The following STPG2 variants were observed in gnomAD, a reference collection of about 807,000 sequenced individuals.
The protein encoded by STPG2 is sperm-tail PG-rich repeat-containing protein 2.
In STPG2, 56 loss-of-function variants were observed where a neutral mutation model predicts 54.2. That is an observed-to-expected ratio of 1.03 (90% CI 0.83 to 1.29). The LOEUF (loss-of-function observed/expected upper bound fraction) is 1.29, where lower values mean the gene tolerates loss of function less well. Ranked by LOEUF, STPG2 falls within the 50% of genes most tolerant of loss-of-function variation. The pLI is 0.00. For missense variants in STPG2, 596 were observed against 544.9 expected, an observed-to-expected ratio of 1.09 and a Z score of -0.93; for synonymous variants, 200 against 181.8, an observed-to-expected ratio of 1.10 and a Z score of -0.81.
At chr4:97,704,131 T>A (rs1723872287) in intron 10 of STPG2, among the ~76,000 whole-genome samples, 2 of 152,022 alleles carry the variant, frequency 1.3e-5, no homozygotes, top group Non-Finnish European at 2.9e-5. Flanking sequence ...AATGTTAATC[T>A]CCTTTGGCAA....
intron 5 of STPG2, among the ~76,000 whole-genome samples, chr4:98,076,601 T>C (rs1322234552): frequency 6.6e-6 from 1 of 152,210 alleles, no homozygotes; most frequent in Non-Finnish European, 1.5e-5. Context: ...TTTCAAAGTT[T>C]ATGTCCTTCC....
At chr4:97,862,383 CAAG>C (rs1286792464) in intron 8 of STPG2, among the ~76,000 whole-genome samples, 1 of 152,076 alleles carries the variant, frequency 6.6e-6, no homozygotes, top group Non-Finnish European at 1.5e-5. Flanking sequence ...ATCAATTCAA[CAAG>C]AAGAACTAAC....
intron 5 of STPG2, among the ~76,000 whole-genome samples, chr4:98,045,624 G>A (rs1158803324): frequency 6.6e-6 from 1 of 151,916 alleles, no homozygotes; most frequent in African/African-American, 2.4e-5. Flanking sequence ...ATAGTATTTG[G>A]GGGTGACCAT....
chr4:98,023,787 T>C (rs1326352341), intron 5 of STPG2, among the ~76,000 whole-genome samples: 2 of 152,176 alleles, frequency 1.3e-5, no homozygotes, highest in African/African-American at 4.8e-5. Flanking sequence ...CTCAGACTGC[T>C]GTGCTAGCAA....
intron 5 of STPG2, among the ~76,000 whole-genome samples, chr4:98,069,863 T>C (rs1252994536): frequency 6.6e-6 from 1 of 152,040 alleles, no homozygotes; most frequent in South Asian, 2.1e-4. Context: ...GTAGAAGTGC[T>C]ACATTCCAGG....
intron 5 of STPG2, among the ~76,000 whole-genome samples, chr4:97,988,768 G>A (rs1734904713): frequency 6.6e-6 from 1 of 152,074 alleles, no homozygotes; most frequent in African/African-American, 2.4e-5. Flanking sequence ...ACCAGGCCCG[G>A]CTAACTTTTG....
chr4:97,772,420 G>A (rs1726248521), intron 9 of STPG2, among the ~76,000 whole-genome samples: 1 of 152,132 alleles, frequency 6.6e-6, no homozygotes. Flanking sequence ...AATGTAAATA[G>A]TGAATATACT....
intron 4 of STPG2, among the ~76,000 whole-genome samples, chr4:98,108,963 G>A (rs1739267732): frequency 6.6e-6 from 1 of 151,972 alleles, no homozygotes; most frequent in Non-Finnish European, 1.5e-5. Flanking sequence ...AAAACACTAT[G>A]GCACATGTAT....
intron 9 of STPG2, among the ~76,000 whole-genome samples, chr4:97,745,434 C>T (rs917363858): frequency 6.6e-6 from 1 of 150,898 alleles, no homozygotes; most frequent in Admixed American, 6.6e-5. Flanking sequence ...GATACTTTTT[C>T]CTCTTCATTT....
intron 4 of STPG2, among the ~76,000 whole-genome samples, chr4:97,462,978 T>A (rs1729700766): frequency 1.3e-5 from 2 of 152,114 alleles, no homozygotes; most frequent in Admixed American, 6.5e-5. Context: ...TGATTATATA[T>A]TTCTTTCTAT....
In STPG2 at chr4:97,641,896, C is replaced by G. The variant is rs531238965; in HGVS notation, c.1320+70803G>C. Among the ~76,000 whole-genome samples the G allele has an allele frequency of 6.3e-4, 95 of 151,444 alleles. 1 individual carries two copies. The highest frequency in any genetic ancestry group is 1.8e-4 in the Non-Finnish European group (12 of 67,522). ...AGTTCACTGTCATCAATACCTGGAG[C>G]AAATATGACATAAGAAAGTTGTAAG... On this transcript the variant is annotated intron_variant, in intron 10 of 10. Coordinates refer to ENST00000295268, the MANE Select transcript of STPG2 (RefSeq NM_174952.3).
chr4:97,857,733 T>C (rs564149923), intron 8 of STPG2, among the ~76,000 whole-genome samples: 1 of 152,156 alleles, frequency 6.6e-6, no homozygotes, highest in East Asian at 1.9e-4. Flanking sequence ...CAGAGATATA[T>C]GACCTTTCAG....
At chr4:97,800,338 G>C (rs1233521005) in intron 9 of STPG2, among the ~76,000 whole-genome samples, 1 of 152,148 alleles carries the variant, frequency 6.6e-6, no homozygotes, top group Non-Finnish European at 1.5e-5. Flanking sequence ...CTTTGATGAT[G>C]GTGACGTACA....
chr4:98,138,211 T>C (rs10029849), intron 1 of STPG2, among the ~76,000 whole-genome samples: 60,046 of 151,856 alleles, frequency 0.4, 12,116 homozygotes, highest in Middle Eastern at 0.46. Context: ...GCTACAAAAA[T>C]CACTGCCAAT....
intron 4 of STPG2, among the ~76,000 whole-genome samples, chr4:97,491,548 G>C (rs1359165855): frequency 1.3e-5 from 2 of 151,488 alleles, no homozygotes; most frequent in African/African-American, 4.8e-5. Flanking sequence ...TAAAGCATCA[G>C]CTGAATCTCT....
chr4:97,734,871 G>T (rs953464876), intron 9 of STPG2, among the ~76,000 whole-genome samples: 1 of 152,054 alleles, frequency 6.6e-6, no homozygotes, highest in Non-Finnish European at 1.5e-5. Flanking sequence ...AGCAGATCGA[G>T]ACCATCCTGG....
chr4:98,115,426 T>G (rs1739489590), intron 3 of STPG2, among the ~76,000 whole-genome samples: 1 of 152,000 alleles, frequency 6.6e-6, no homozygotes. Context: ...AACTTTATCA[T>G]TCAAAATGTT....
chr4:97,883,653 C>T (rs1473250162), intron 8 of STPG2, among the ~76,000 whole-genome samples: 1 of 151,708 alleles, frequency 6.6e-6, no homozygotes, highest in East Asian at 1.9e-4. Context: ...CTCGACAGAG[C>T]CAAGGAAAGA....
intron 4 of STPG2, among the ~76,000 whole-genome samples, chr4:97,495,534 A>G (rs1364670494): frequency 1.3e-5 from 2 of 151,436 alleles, no homozygotes; most frequent in African/African-American, 4.8e-5. Context: ...AGGGAGTAAT[A>G]TATTATGCAG....
Sources: gnomAD v4.1 joint callset for allele counts (sites outside exome capture counted in the v4.1 genomes callset) on GRCh38, gnomAD v4.1.1 for gene constraint, MANE v1.5 for transcripts, NCBI Gene and HGNC (gene_info 2026-07-23, HGNC 2026-07-21) for gene names.